The following RFX3 variants were observed in gnomAD, a reference collection of about 807,000 sequenced individuals.
RFX3 encodes the protein regulatory factor X3.
In RFX3, 14 loss-of-function variants were observed where a neutral mutation model predicts 98.6. That is an observed-to-expected ratio of 0.14 (90% CI 0.09 to 0.22). The LOEUF is 0.22. Ranked by LOEUF, RFX3 falls within the 10% of genes least tolerant of loss-of-function variation. The pLI, the probability that RFX3 is intolerant of heterozygous loss-of-function variation, is 1.00. For missense variants in RFX3, 639 were observed against 926.9 expected (o/e 0.69, Z 4.03); for synonymous variants, 383 against 328.4 (o/e 1.17, Z -1.80).
At chr9:3,504,887 A>ATATAATATATATTATATATATTATATATG (rs1816676185) in intron 1 of RFX3, among the ~76,000 whole-genome samples, 2 of 63,168 alleles carry the variant, frequency 3.2e-5, no homozygotes, top group South Asian at 4.8e-4. Flanking sequence ...TATTATATAT[A>ATATAATATATATTATATATATTATATATG]ATATAACATA....
chr9:3,418,956 G>A (rs1408373107), intron 1 of RFX3, among the ~76,000 whole-genome samples: 1 of 152,114 alleles, frequency 6.6e-6, no homozygotes, highest in Non-Finnish European at 1.5e-5. Context: ...TGATAGAAAA[G>A]TTACGTATTA....
intron 1 of RFX3, among the ~76,000 whole-genome samples, chr9:3,495,331 C>T (rs765742182): frequency 2.0e-4 from 30 of 151,970 alleles, no homozygotes; most frequent in Non-Finnish European, 3.8e-4. Context: ...TACATTTCTA[C>T]AAGTGGTCAA....
intron 1 of RFX3, among the ~76,000 whole-genome samples, chr9:3,454,623 A>G (rs941036580): frequency 1.3e-5 from 2 of 152,216 alleles, no homozygotes; most frequent in Non-Finnish European, 2.9e-5. Flanking sequence ...TGAAACTACA[A>G]TGATAAAAAT....
At position 3,283,960 on chromosome 9, in the gene RFX3, A is replaced by G. The variant is rs142949284; in HGVS notation, c.851+4171T>C. ...GTTGCTATATGACTGTGGATAAGTT[A>G]TTTAACCTTTATGGACTTCGGTTTT... On this transcript the variant is annotated intron_variant, in intron 7 of 16. Coordinates refer to ENST00000617270, the MANE Select transcript of RFX3 (RefSeq NM_001282116.2). Among the ~76,000 whole-genome samples the G allele has an allele frequency of 2.0e-5, 3 of 151,932 alleles. No homozygotes were observed. The East Asian group carries it at 5.8e-4, about 29-fold the overall frequency.
chr9:3,504,217 A>G, intron 1 of RFX3, among the ~76,000 whole-genome samples: 1 of 133,318 alleles, frequency 7.5e-6, no homozygotes, highest in African/African-American at 2.9e-5. Context: ...TATATTATAT[A>G]CTATATTATA....
At chr9:3,341,653 C>T (rs986363452) in intron 3 of RFX3, among the ~76,000 whole-genome samples, 2 of 152,142 alleles carry the variant, frequency 1.3e-5, no homozygotes, top group African/African-American at 4.8e-5. Flanking sequence ...ATAGATTGAG[C>T]ACCGATCATG....
intron 2 of RFX3, among the ~76,000 whole-genome samples, chr9:3,351,720 A>C (rs1477175265): frequency 3.9e-5 from 6 of 152,054 alleles, no homozygotes; most frequent in Non-Finnish European, 8.8e-5. Context: ...CTCAACATTA[A>C]ACATAATCAG....
intron 3 of RFX3, among the ~76,000 whole-genome samples, chr9:3,336,316 T>C (rs1369587257): frequency 2.0e-5 from 3 of 152,008 alleles, no homozygotes; most frequent in African/African-American, 2.4e-5. Context: ...ACCTCTACTA[T>C]TATTAGGGCT....
chr9:3,222,398 T>C lies in RFX3; in HGVS notation c.*2644A>G, dbSNP rs930044090. ...ATGAACAATTGGAAGAAATGTTGAA[T>C]CCTGGAGCATCCCCGATCCCTAAGC... On this transcript the variant is annotated 3_prime_UTR_variant, in exon 17 of 17. Coordinates refer to ENST00000617270, the MANE Select transcript of RFX3 (RefSeq NM_001282116.2). 1 of 152,222 alleles carries C rather than the reference T, an allele frequency of 6.6e-6. No homozygotes were observed. Among genetic ancestry groups the C allele is most frequent in the Non-Finnish European group, 1.5e-5 (1 of 68,018 alleles). 9.4% of individuals were successfully genotyped at this position (152,222 alleles called of 1,614,324 possible).
At chr9:3,265,187 G>A (rs374004401) in intron 12 of RFX3, among the ~76,000 whole-genome samples, 18 of 152,160 alleles carry the variant, frequency 1.2e-4, no homozygotes, top group African/African-American at 3.9e-4. Context: ...AAAATGTAGC[G>A]AGTATGACTG....
intron 1 of RFX3, among the ~76,000 whole-genome samples, chr9:3,481,490 A>ATTTT (rs1849757117): frequency 6.6e-6 from 1 of 152,074 alleles, no homozygotes; most frequent in African/African-American, 2.4e-5. Context: ...ATTTTTTAAA[A>ATTTT]AAAAAAATCT....
At chr9:3,281,849 G>A (rs995693930) in intron 7 of RFX3, among the ~76,000 whole-genome samples, 3 of 151,718 alleles carry the variant, frequency 2.0e-5, no homozygotes, top group Admixed American at 6.6e-5. Flanking sequence ...TACTAAAACA[G>A]TCCAATGGAA....
At chr9:3,280,876 T>C (rs1157028587) in intron 7 of RFX3, among the ~76,000 whole-genome samples, 1 of 151,730 alleles carries the variant, frequency 6.6e-6, no homozygotes, top group Non-Finnish European at 1.5e-5. Context: ...CCCAATGTTG[T>C]AGAAATACAT....
At chr9:3,396,768 G>C (rs1017532749) in intron 1 of RFX3, among the ~76,000 whole-genome samples, 10 of 152,140 alleles carry the variant, frequency 6.6e-5, no homozygotes, top group African/African-American at 2.2e-4. Flanking sequence ...TTGTGGTTTT[G>C]ATTTGCATTT....
At chr9:3,468,347 C>T (rs1222461328) in intron 1 of RFX3, among the ~76,000 whole-genome samples, 1 of 152,110 alleles carries the variant, frequency 6.6e-6, no homozygotes, top group Non-Finnish European at 1.5e-5. Context: ...ATCTGTGCCC[C>T]TCACCCAGAG....
intron 14 of RFX3, among the ~76,000 whole-genome samples, chr9:3,256,059 C>T (rs646529): frequency 0.79 from 119,882 of 152,082 alleles, 48,610 homozygotes; most frequent in East Asian, 0.9. Context: ...CTCCGCCTTC[C>T]GGGTTCACGC....
intron 3 of RFX3, among the ~76,000 whole-genome samples, chr9:3,344,577 A>G (rs1834233909): frequency 6.6e-6 from 1 of 152,168 alleles, no homozygotes; most frequent in African/African-American, 2.4e-5. Context: ...GTACTATACA[A>G]TTAACTCTCT....
intron 1 of RFX3, among the ~76,000 whole-genome samples, chr9:3,498,149 C>A (rs1162079340): frequency 6.6e-6 from 1 of 151,924 alleles, no homozygotes; most frequent in African/African-American, 2.4e-5. Context: ...TCTACATTAG[C>A]AATCACATAC....
intron 1 of RFX3, among the ~76,000 whole-genome samples, chr9:3,413,708 T>A (rs1187968319): frequency 1.3e-5 from 2 of 152,140 alleles, no homozygotes; most frequent in Admixed American, 1.3e-4. Context: ...TAACACCTTT[T>A]GAGTAGAGAC....
Sources: gnomAD v4.1 joint callset for allele counts (sites outside exome capture counted in the v4.1 genomes callset) on GRCh38, gnomAD v4.1.1 for gene constraint, MANE v1.5 for transcripts, NCBI Gene and HGNC (gene_info 2026-07-23, HGNC 2026-07-21) for gene names.